Variants in FSTL4 observed in about 807,000 individuals in gnomAD.
The protein encoded by FSTL4 is follistatin like 4.
Under a neutral mutation model 78.2 loss-of-function variants are expected in FSTL4, and 28 were observed. The ratio of observed to expected loss-of-function variants is 0.36; its 90% confidence interval spans 0.27 to 0.49. The LOEUF (loss-of-function observed/expected upper bound fraction) is 0.49. Ranked by LOEUF, FSTL4 falls within the 20% of genes least tolerant of loss-of-function variation. The probability of loss-of-function intolerance (pLI) is 0.98; values close to 1 mark genes in which losing one functional copy is unlikely to be tolerated. For synonymous variants in FSTL4, 422 were observed against 440.5 expected, an observed-to-expected ratio of 0.96 and a Z score of 0.53; for missense variants, 922 against 1,084.9, an observed-to-expected ratio of 0.85 and a Z score of 2.11.
At chr5:133,328,894 G>A (rs1371415990) in intron 4 of FSTL4, among the ~76,000 whole-genome samples, 6 of 152,200 alleles carry the variant, frequency 3.9e-5, no homozygotes, top group Non-Finnish European at 7.3e-5. Context: ...GGAAAAGGCC[G>A]GCTGTGGAGC....
chr5:133,814,476 C>A, the FSTL4 span, among the ~76,000 whole-genome samples: 7 of 152,096 alleles, frequency 4.6e-5, no homozygotes, highest in Admixed American at 3.9e-4. Context: ...CCACCCAGCC[C>A]GGGAGCTAGG....
At chr5:133,674,609 GTC>G in the FSTL4 span, among the ~76,000 whole-genome samples, 28 of 138,430 alleles carry the variant, frequency 2.0e-4, no homozygotes, top group African/African-American at 6.6e-4. Context: ...GTGTGTGTGT[GTC>G]TGTGTGTGTG....
chr5:133,539,006 G>A (rs1259728108), intron 3 of FSTL4, among the ~76,000 whole-genome samples: 4 of 152,104 alleles, frequency 2.6e-5, no homozygotes, highest in Admixed American at 2.6e-4. Context: ...TAACCTCAGG[G>A]CACTGTTTAT....
At chr5:133,794,705 T>G in the FSTL4 span, among the ~76,000 whole-genome samples, 1 of 152,164 alleles carries the variant, frequency 6.6e-6, no homozygotes, top group Non-Finnish European at 1.5e-5. Context: ...ATCCAAGCAC[T>G]CTGGAGAGGG....
intron 6 of FSTL4, among the ~76,000 whole-genome samples, chr5:133,282,842 A>C (rs1753040283): frequency 6.6e-6 from 1 of 152,200 alleles, no homozygotes; most frequent in Non-Finnish European, 1.5e-5. Context: ...GTCTGTACTG[A>C]CCTTGTTACC....
At chr5:133,315,797 C>T (rs563315718) in intron 5 of FSTL4, among the ~76,000 whole-genome samples, 20 of 152,328 alleles carry the variant, frequency 1.3e-4, no homozygotes, top group African/African-American at 4.8e-4. Context: ...ACAGGCTCCT[C>T]CCTGCAACTG....
the FSTL4 span, among the ~76,000 whole-genome samples, chr5:133,808,947 G>C: frequency 6.7e-6 from 1 of 149,600 alleles, no homozygotes; most frequent in Non-Finnish European, 1.5e-5. Context: ...CACCAGGACT[G>C]TCAGGACGTG....
the FSTL4 span, among the ~76,000 whole-genome samples, chr5:133,771,075 G>T: frequency 6.6e-6 from 1 of 151,980 alleles, no homozygotes; most frequent in African/African-American, 2.4e-5. Context: ...CTGTTCCATT[G>T]ATCCATGTGT....
intron 2 of FSTL4, among the ~76,000 whole-genome samples, chr5:133,603,371 T>G (rs1760909978): frequency 6.6e-6 from 1 of 152,198 alleles, no homozygotes. Flanking sequence ...TTAATCATTC[T>G]TATCTGTTCA....
intron 3 of FSTL4, among the ~76,000 whole-genome samples, chr5:133,554,305 G>A (rs1561467294): frequency 6.6e-6 from 1 of 152,180 alleles, no homozygotes; most frequent in Admixed American, 6.5e-5. Flanking sequence ...GGCACATCTA[G>A]TGCTCTCTCA....
chr5:133,473,204 T>C (rs1175905351), intron 3 of FSTL4, among the ~76,000 whole-genome samples: 1 of 152,004 alleles, frequency 6.6e-6, no homozygotes, highest in Non-Finnish European at 1.5e-5. Context: ...TCAGATGCTA[T>C]TGGAGAGACT....
At chr5:133,632,727 C>T in the FSTL4 span, among the ~76,000 whole-genome samples, 4,465 of 152,184 alleles carry the variant, frequency 0.029, 93 homozygotes, top group Middle Eastern at 0.071. Context: ...GCTCTGTTGC[C>T]CAGCCTGGGG....
chr5:133,248,328 C>G (rs1177701314), intron 7 of FSTL4: 1 of 152,346 alleles, frequency 6.6e-6, no homozygotes, highest in African/African-American at 2.4e-5. Context: ...ATGGGTCTTT[C>G]TTTTCTGGGC....
At chr5:133,615,722 CA>C (rs772780767), upstream of FSTL4, among the ~76,000 whole-genome samples, 17 of 152,160 alleles carry the variant, frequency 1.1e-4, no homozygotes, top group Admixed American at 3.9e-4. Flanking sequence ...GCAGTAAGTT[CA>C]AGATCCTAGA....
intron 3 of FSTL4, among the ~76,000 whole-genome samples, chr5:133,483,420 G>A (rs1264834603): frequency 1.3e-5 from 2 of 152,224 alleles, no homozygotes; most frequent in African/African-American, 4.8e-5. Flanking sequence ...GACTGCAGAA[G>A]CCCATTCCTA....
chr5:133,382,943 A>C (rs759704060), intron 4 of FSTL4, among the ~76,000 whole-genome samples: 33 of 151,660 alleles, frequency 2.2e-4, no homozygotes, highest in Non-Finnish European at 2.9e-4. Flanking sequence ...AGAGAGAGAG[A>C]AGGGGGGTGG....
chr5:133,610,371 T>C (rs559944459), intron 1 of FSTL4, among the ~76,000 whole-genome samples: 1 of 152,346 alleles, frequency 6.6e-6, no homozygotes, highest in Admixed American at 6.5e-5. Flanking sequence ...GCAATTTAAA[T>C]ACATTACATC....
At chr5:133,377,532 G>A (rs1213020310) in intron 4 of FSTL4, among the ~76,000 whole-genome samples, 5 of 152,196 alleles carry the variant, frequency 3.3e-5, no homozygotes, top group African/African-American at 1.2e-4. Flanking sequence ...GAACATTTTG[G>A]TGGTAAGTAA....
At chr5:133,805,871 T>A in the FSTL4 span, among the ~76,000 whole-genome samples, 1 of 152,196 alleles carries the variant, frequency 6.6e-6, no homozygotes, top group African/African-American at 2.4e-5. Context: ...GTTGTGAATC[T>A]CAGTGTCATC....
Sources: allele counts gnomAD v4.1 joint callset (sites outside exome capture counted in the v4.1 genomes callset), GRCh38; gene constraint gnomAD v4.1.1; transcripts MANE v1.5; gene names NCBI Gene and HGNC (gene_info 2026-07-23, HGNC 2026-07-21).